The following MRTFA variants were observed in gnomAD, a reference collection of about 807,000 sequenced individuals.
MRTFA encodes myocardin related transcription factor A, also known as myocardin-related transcription factor A.
MRTFA carries 20 observed loss-of-function variants against 83.5 expected under a neutral mutation model. The ratio of observed to expected loss-of-function variants is 0.24; its 90% CI spans 0.17 to 0.35. The LOEUF is 0.35. Among genes scored for constraint, MRTFA ranks in the 10% least tolerant of loss-of-function variants. The pLI is 1.00. For missense variants in MRTFA, 1,200 were observed against 1,224.7 expected (o/e 0.98, Z 0.30); for synonymous variants, 659 against 541.2 (o/e 1.22, Z -3.02).
chr22:40,543,263 T>C (rs2055317444), intron 3 of MRTFA, among the ~76,000 whole-genome samples: 1 of 152,176 alleles, frequency 6.6e-6, no homozygotes, highest in Non-Finnish European at 1.5e-5. Flanking sequence ...CCACTCAAAA[T>C]TTTTACTTCT....
intron 3 of MRTFA, among the ~76,000 whole-genome samples, chr22:40,464,311 A>AG (rs2053775229): frequency 1.7e-5 from 2 of 114,940 alleles, no homozygotes; most frequent in South Asian, 5.7e-4. Context: ...TGTCTCAGGA[A>AG]AAAAAAAAAA....
intron 7 of MRTFA, 94 bp from the exon 8 acceptor site, chr22:40,424,475 G>A: frequency 3.0e-6 from 4 of 1,349,622 alleles, no homozygotes; most frequent in Non-Finnish European, 3.0e-6. Context: ...CAGAGTGCCT[G>A]GCCCACAGCC....
At chr22:40,589,783 C>A (rs1226921615) in intron 2 of MRTFA, among the ~76,000 whole-genome samples, 1 of 152,010 alleles carries the variant, frequency 6.6e-6, no homozygotes, top group Non-Finnish European at 1.5e-5. Context: ...AATCCCAGCA[C>A]TTTGGGAGGC....
At chr22:40,412,979 A>T (rs568371958) in intron 14 of MRTFA, 1 of 151,988 alleles carries the variant, frequency 6.6e-6, no homozygotes, top group African/African-American at 2.4e-5. Context: ...TCTACTAAAA[A>T]TACAAAAATT....
chr22:40,459,828 T>TAA (rs2053672571), intron 4 of MRTFA, among the ~76,000 whole-genome samples: 1 of 91,018 alleles, frequency 1.1e-5, no homozygotes. Context: ...CACACATATA[T>TAA]ACATATATAT....
rs1270293469 is a variant in MRTFA, at chr22:40,587,128, G to A, written c.-22+7546C>T. The A allele has an allele frequency of 1.1e-5, 5 of 456,316 alleles. No homozygotes were observed. The East Asian group carries it at 2.6e-4, about 24-fold the overall frequency. 28.3% of individuals were successfully genotyped at this position (456,316 alleles called of 1,614,324 possible). On this transcript the variant is annotated intron_variant, in intron 2 of 14. Coordinates refer to ENST00000355630, the MANE Select transcript of MRTFA (RefSeq NM_020831.6). The stretch of plus-strand genomic sequence containing the variant: ...CGTGCTTGAAGGGCTTTGGATGTCT[G>A]GGCTTTTCAAGATTCTGCTAAGGTC...
intron 1 of MRTFA, among the ~76,000 whole-genome samples, chr22:40,622,418 T>C (rs1602506545): frequency 2.0e-5 from 3 of 149,460 alleles, no homozygotes; most frequent in African/African-American, 7.4e-5. Flanking sequence ...GAGGCAGAGG[T>C]TGCAGTGAGC....
intron 4 of MRTFA, among the ~76,000 whole-genome samples, chr22:40,459,862 T>TATATATATATATATATATATATATATAC (rs796103400): frequency 2.5e-5 from 3 of 121,484 alleles, no homozygotes; most frequent in South Asian, 2.7e-4. Context: ...TATATATATA[T>TATATATATATATATATATATATATATAC]ACACACATGA....
At position 40,418,403 on chromosome 22, in the gene MRTFA, G is replaced by A. The variant is rs766752695; in HGVS notation, c.2335C>T (p.Pro779Ser). ...TGGGGGCTCCCACTGGACAGGCCAG[G>A]GCTGTCTGCATTCTTATTGGTCACG... Residue 779 changes from proline to serine, a missense_variant, in exon 12 of 15, where the codon CCT (proline) becomes TCT (serine). By Grantham distance (74) the Pro-to-Ser change is moderately conservative (BLOSUM62 -1). Coordinates refer to ENST00000355630, the MANE Select transcript of MRTFA (RefSeq NM_020831.6). 6.2e-7 allele frequency: 1 copy of A among 1,614,062 alleles called. No individual in the cohort carries two copies. Among genetic ancestry groups the A allele is most frequent in the Non-Finnish European group, 8.5e-7 (1 of 1,179,942 alleles).
rs567686163 is a variant in MRTFA at position 40,576,950 on chromosome 22, T to G, written c.-22+17724A>C. On this transcript the variant is annotated intron_variant, in intron 2 of 14. Transcript: ENST00000355630. ...TTCAAAATTAACTGGAGGCAGTGGCTCACGCCTGTAATCCCAGCCCTTTGC... is the reference window on the plus strand; with the variant it reads ...TTCAAAATTAACTGGAGGCAGTGGCGCACGCCTGTAATCCCAGCCCTTTGC... 2.6e-4 allele frequency among the ~76,000 whole-genome samples: 40 copies of G among 152,284 alleles called. No homozygotes were observed. The South Asian group carries it at 7.9e-3, about 30-fold the overall frequency.
intron 3 of MRTFA, among the ~76,000 whole-genome samples, chr22:40,520,509 C>G (rs770824141): frequency 6.6e-6 from 1 of 152,062 alleles, no homozygotes; most frequent in African/African-American, 2.4e-5. Context: ...CAGGTTCAAG[C>G]GACTGTTGTG....
chr22:40,575,399 T>C (rs1298296856), intron 2 of MRTFA, among the ~76,000 whole-genome samples: 1 of 152,218 alleles, frequency 6.6e-6, no homozygotes, highest in Non-Finnish European at 1.5e-5. Flanking sequence ...TATTGAGATA[T>C]GCTCAGGCAT....
At chr22:40,537,768 G>T (rs1199181293) in intron 3 of MRTFA, among the ~76,000 whole-genome samples, 1 of 22,168 alleles carries the variant, frequency 4.5e-5, no homozygotes, top group African/African-American at 2.6e-4. Context: ...GGAGGGAGGT[G>T]GGGGGGTCAG....
intron 1 of MRTFA, among the ~76,000 whole-genome samples, chr22:40,595,312 G>A (rs927728453): frequency 4.0e-5 from 6 of 151,312 alleles, no homozygotes; most frequent in East Asian, 1.9e-4. Flanking sequence ...TAGTGGAGAC[G>A]GGGTTTCACC....
At chr22:40,545,919 G>A (rs902657043) in intron 3 of MRTFA, among the ~76,000 whole-genome samples, 1 of 150,580 alleles carries the variant, frequency 6.6e-6, no homozygotes, top group Non-Finnish European at 1.5e-5. Context: ...TAGAGGAGGG[G>A]TTTCACCATG....
At chr22:40,574,245 AAC>A (rs979411294) in intron 2 of MRTFA, among the ~76,000 whole-genome samples, 5 of 152,128 alleles carry the variant, frequency 3.3e-5, no homozygotes, top group African/African-American at 7.2e-5. Flanking sequence ...TTATCATAAA[AAC>A]ACAGTTAGCC....
intron 2 of MRTFA, chr22:40,586,957 C>A (rs952163478): frequency 1.8e-5 from 8 of 450,106 alleles, no homozygotes; most frequent in Non-Finnish European, 3.2e-5. Context: ...GCCGCCGCTG[C>A]CTTATCCACC....
At chr22:40,535,354 T>C (rs1056084206) in intron 3 of MRTFA, among the ~76,000 whole-genome samples, 3 of 136,892 alleles carry the variant, frequency 2.2e-5, no homozygotes, top group Admixed American at 1.5e-4. Context: ...TTTTCTTTTT[T>C]TTTTTTTTTT....
At chr22:40,535,258 A>C (rs2055148093) in intron 3 of MRTFA, among the ~76,000 whole-genome samples, 1 of 152,016 alleles carries the variant, frequency 6.6e-6, no homozygotes, top group African/African-American at 2.4e-5. Context: ...GTTAGCAACT[A>C]AGGGAAAAGC....
Sources: gnomAD v4.1 joint callset for allele counts (sites outside exome capture counted in the v4.1 genomes callset) on GRCh38, gnomAD v4.1.1 for gene constraint, MANE v1.5 for transcripts, NCBI Gene and HGNC (gene_info 2026-07-23, HGNC 2026-07-21) for gene names.